The following NELL2 variants were observed in gnomAD, a reference collection of about 807,000 sequenced individuals.
The protein encoded by NELL2 is protein kinase C-binding protein NELL2.
Under a neutral mutation model 109.6 loss-of-function variants are expected in NELL2, and 41 were observed. That is an observed-to-expected ratio of 0.37 (90% CI 0.29 to 0.49). The LOEUF (loss-of-function observed/expected upper bound fraction) is 0.49, where lower values mean the gene tolerates loss of function less well. Ranked by LOEUF, NELL2 falls within the 20% of genes least tolerant of loss-of-function variation. The pLI is 0.98. For missense variants in NELL2, 900 were observed against 1,008.3 expected (o/e 0.89, Z 1.45); for synonymous variants, 355 against 344.7 (o/e 1.03, Z -0.33).
intron 15 of NELL2, among the ~76,000 whole-genome samples, chr12:44,571,329 G>C (rs569908450): frequency 3.3e-5 from 5 of 152,136 alleles, no homozygotes; most frequent in Admixed American, 6.5e-5. Context: ...CTGTCACCCA[G>C]AGCACACAAT....
chr12:44,880,246 A>G (rs947235109), upstream of NELL2, among the ~76,000 whole-genome samples: 3 of 151,946 alleles, frequency 2.0e-5, no homozygotes, highest in Non-Finnish European at 1.5e-5. Flanking sequence ...GTGATTGGAG[A>G]TATTTTTAAA....
chr12:44,815,198 C>A (rs1366790735), intron 3 of NELL2, among the ~76,000 whole-genome samples: 1 of 152,012 alleles, frequency 6.6e-6, no homozygotes, highest in East Asian at 1.9e-4. Flanking sequence ...TCCTTTCCCC[C>A]CATCCAGAGC....
intron 1 of NELL2, among the ~76,000 whole-genome samples, chr12:44,884,289 T>C (rs752095737): frequency 4.0e-5 from 6 of 151,882 alleles, no homozygotes; most frequent in Non-Finnish European, 7.4e-5. Context: ...CAATCCTAAG[T>C]ATATATGCAC....
chr12:44,704,134 C>T (rs536928016), intron 11 of NELL2, among the ~76,000 whole-genome samples: 1 of 151,954 alleles, frequency 6.6e-6, no homozygotes, highest in Non-Finnish European at 1.5e-5. Context: ...TATAACCCTC[C>T]ATATATCTGA....
chr12:44,819,238 G>A (rs937783331), intron 2 of NELL2, among the ~76,000 whole-genome samples: 7 of 152,044 alleles, frequency 4.6e-5, no homozygotes, highest in African/African-American at 1.4e-4. Flanking sequence ...ATCAATCAGC[G>A]TTTTGAAAAA....
chr12:44,736,781 C>G (rs1939676324), intron 9 of NELL2, among the ~76,000 whole-genome samples: 1 of 152,014 alleles, frequency 6.6e-6, no homozygotes, highest in Admixed American at 6.5e-5. Flanking sequence ...ATTATAGAAT[C>G]AGTAAAGGTC....
At chr12:44,791,097 G>GTATACA (rs1555217711) in intron 3 of NELL2, among the ~76,000 whole-genome samples, 1 of 38,490 alleles carries the variant, frequency 2.6e-5, no homozygotes, top group Non-Finnish European at 4.7e-5. Flanking sequence ...ATATATATAT[G>GTATACA]TATATATATA....
chr12:44,878,818 T>A (rs1945379347), upstream of NELL2, among the ~76,000 whole-genome samples: 1 of 152,182 alleles, frequency 6.6e-6, no homozygotes, highest in Non-Finnish European at 1.5e-5. Context: ...ATGTTAAAAT[T>A]TTGCTTGCAA....
At chr12:44,777,446 T>C (rs1181296343) in intron 5 of NELL2, 132 bp from the exon 6 acceptor site, 1 of 690,720 alleles carries the variant, frequency 1.4e-6, no homozygotes, top group Non-Finnish European at 2.5e-6. Context: ...TCTTTGTTAA[T>C]ACATTATTTC....
chr12:44,895,761 C>T (rs1945586141), intron 1 of NELL2, among the ~76,000 whole-genome samples: 2 of 152,048 alleles, frequency 1.3e-5, no homozygotes, highest in South Asian at 4.1e-4. Context: ...CTACCACCAC[C>T]CCAGGGCACA....
chr12:44,706,654 CATA>C (rs896018637), intron 11 of NELL2, among the ~76,000 whole-genome samples: 3 of 152,020 alleles, frequency 2.0e-5, no homozygotes, highest in South Asian at 2.1e-4. Context: ...TATGTAAAAG[CATA>C]ATAATATATT....
chr12:44,513,976 A>C (rs1039878195), intron 19 of NELL2, among the ~76,000 whole-genome samples: 2 of 151,600 alleles, frequency 1.3e-5, no homozygotes, highest in African/African-American at 4.8e-5. Flanking sequence ...ATTAGACCTA[A>C]GTGCATCATA....
intron 3 of NELL2, among the ~76,000 whole-genome samples, chr12:44,782,720 G>A (rs981363076): frequency 5.9e-5 from 9 of 151,808 alleles, no homozygotes; most frequent in African/African-American, 2.2e-4. Context: ...GTGTATTACC[G>A]AAAACACAGA....
At chr12:44,768,385 ATC>A (rs1941417891) in intron 9 of NELL2, among the ~76,000 whole-genome samples, 1 of 152,048 alleles carries the variant, frequency 6.6e-6, no homozygotes, top group African/African-American at 2.4e-5. Flanking sequence ...TCTTGATGAA[ATC>A]TCTCTTTAAA....
At chr12:44,728,087 G>C (rs1377343117) in intron 9 of NELL2, among the ~76,000 whole-genome samples, 1 of 151,586 alleles carries the variant, frequency 6.6e-6, no homozygotes, top group East Asian at 1.9e-4. Flanking sequence ...AGTGTGCTCA[G>C]CCTAATAAAA....
chr12:44,889,070 C>A (rs1368018317), intron 1 of NELL2, among the ~76,000 whole-genome samples: 1 of 151,970 alleles, frequency 6.6e-6, no homozygotes, highest in Admixed American at 6.5e-5. Flanking sequence ...CCATGCTGTA[C>A]ATGAATGCCA....
intron 1 of NELL2, among the ~76,000 whole-genome samples, chr12:44,921,156 A>T (rs1273027801): frequency 6.6e-6 from 1 of 152,154 alleles, no homozygotes; most frequent in Non-Finnish European, 1.5e-5. Flanking sequence ...GATTATTTAT[A>T]TCTATTTGGG....
At chr12:44,849,698 A>G (rs1944475602) in intron 2 of NELL2, among the ~76,000 whole-genome samples, 1 of 152,214 alleles carries the variant, frequency 6.6e-6, no homozygotes, top group Non-Finnish European at 1.5e-5. Context: ...GAGAATATTT[A>G]TGGCAGCTTT....
chr12:44,854,413 C>G (rs1398119141), intron 2 of NELL2, among the ~76,000 whole-genome samples: 2 of 152,124 alleles, frequency 1.3e-5, no homozygotes, highest in Admixed American at 6.6e-5. Context: ...TAGGAGGGAA[C>G]TGTTTTGAAC....
Sources: gnomAD v4.1 joint callset for allele counts (sites outside exome capture counted in the v4.1 genomes callset) on GRCh38, gnomAD v4.1.1 for gene constraint, MANE v1.5 for transcripts, NCBI Gene and HGNC (gene_info 2026-07-23, HGNC 2026-07-21) for gene names.